CPXM2: variants seen among roughly 807,000 people sequenced by gnomAD.
CPXM2 encodes the protein inactive carboxypeptidase-like protein X2.
Under a neutral mutation model 86.1 loss-of-function variants are expected in CPXM2, and 66 were observed. The observed-to-expected ratio is 0.77, with a 90% CI of 0.63 to 0.94. CPXM2 has a LOEUF of 0.94. CPXM2 is among the 40% of genes least tolerant of loss of function. CPXM2 has a pLI of 0.00. For synonymous variants in CPXM2, 388 were observed against 400.2 expected (o/e 0.97, Z 0.36); for missense variants, 948 against 1,026.3 (o/e 0.92, Z 1.04).
In CPXM2 at chr10:123,880,292, T is replaced by C. The variant is rs757714999; in HGVS notation, c.322A>G (p.Lys108Glu). 1 of 1,567,302 alleles carries C rather than the reference T, an allele frequency of 6.4e-7. No homozygotes were observed. The change falls in exon 2 of 14, where the codon AAA (lysine) becomes GAA (glutamate). Residue 108 changes from lysine to glutamate, a missense_variant. Physicochemically the swap from Lys to Glu is moderately conservative, Grantham distance 56. Coordinates refer to ENST00000241305, the MANE Select transcript of CPXM2 (RefSeq NM_198148.3). ...PPPPGKHSNK[K>E]VMRTKSSEKA... ...TCAGAGCTCTTGGTTCTCATAACTT[T>C]TTTGTTGCTGTGTTTACCTAAAGGG...
intron 4 of CPXM2, among the ~76,000 whole-genome samples, chr10:123,817,097 A>G (rs1847828922): frequency 6.6e-6 from 1 of 152,236 alleles, no homozygotes; most frequent in Non-Finnish European, 1.5e-5. Flanking sequence ...AGAAAGAGGC[A>G]CAATGCCTAG....
Position 123,857,737 on chromosome 10 carries a change from C to A in CPXM2, c.513+4877G>T, listed in dbSNP as rs904338920. On this transcript the variant is annotated intron_variant, in intron 3 of 13. Coordinates refer to ENST00000241305, the MANE Select transcript of CPXM2 (RefSeq NM_198148.3). ...AACGGAGAAGAACCTGAGCAATGCA[C>A]CAGCACAGGCCCCACTGACGCCGAG... 5.9e-5 allele frequency among the ~76,000 whole-genome samples: 9 copies of A among 152,300 alleles called. No homozygotes were observed. In the South Asian group the frequency reaches 1.7e-3, roughly 28 times the overall value.
intron 2 of CPXM2, among the ~76,000 whole-genome samples, chr10:123,909,297 C>G (rs192398045): frequency 6.6e-6 from 1 of 152,334 alleles, no homozygotes; most frequent in East Asian, 1.9e-4. Flanking sequence ...AGGGGGGACT[C>G]GCCCTCAGCA....
At chr10:123,809,511 C>CTGGGA (rs1847646767) in intron 4 of CPXM2, among the ~76,000 whole-genome samples, 1 of 151,926 alleles carries the variant, frequency 6.6e-6, no homozygotes, top group Non-Finnish European at 1.5e-5. Flanking sequence ...AGGTCCCACT[C>CTGGGA]TAAGATATAT....
chr10:123,941,060 A>G (rs945596579), upstream of CPXM2, among the ~76,000 whole-genome samples: 13 of 152,094 alleles, frequency 8.5e-5, no homozygotes, highest in Admixed American at 2.6e-4. Flanking sequence ...AGTCCCAGCT[A>G]CTCGGGAGGC....
chr10:123,796,228 C>T (rs944499388), intron 6 of CPXM2, among the ~76,000 whole-genome samples: 1 of 152,192 alleles, frequency 6.6e-6, no homozygotes, highest in African/African-American at 2.4e-5. Context: ...ATTCTTTGTA[C>T]CAGCAATCCT....
intron 3 of CPXM2, among the ~76,000 whole-genome samples, chr10:123,859,574 C>T (rs1848810221): frequency 6.6e-6 from 1 of 152,226 alleles, no homozygotes; most frequent in Admixed American, 6.5e-5. Context: ...GGGTCAGAGC[C>T]AGAGGCTGGG....
intron 3 of CPXM2, among the ~76,000 whole-genome samples, chr10:123,843,775 C>CTT (rs1564794429): frequency 6.6e-6 from 1 of 152,132 alleles, no homozygotes; most frequent in East Asian, 1.9e-4. Context: ...CTAACATAAG[C>CTT]GTTCTATCAG....
At chr10:123,747,139 C>G (rs775278145) in intron 13 of CPXM2, 122 bp from the exon 14 acceptor site, 19 of 1,181,316 alleles carry the variant, frequency 1.6e-5, no homozygotes, top group South Asian at 9.0e-5. Flanking sequence ...ACGTGGAATC[C>G]GAGCTCCTGC....
At chr10:123,880,348 A>G (rs1012067241) in intron 1 of CPXM2, 39 bp from the exon 2 acceptor site, 2 of 886,416 alleles carry the variant, frequency 2.3e-6, no homozygotes, top group Admixed American at 1.7e-5. Flanking sequence ...TTTCACATAC[A>G]TCAGAGCTGG....
At chr10:123,886,520 G>C (rs942159984) in intron 1 of CPXM2, among the ~76,000 whole-genome samples, 3 of 152,156 alleles carry the variant, frequency 2.0e-5, no homozygotes, top group African/African-American at 7.2e-5. Context: ...CAATGATTCT[G>C]AGCACAGACA....
intron 6 of CPXM2, among the ~76,000 whole-genome samples, chr10:123,793,643 T>C (rs1043693393): frequency 3.3e-5 from 5 of 152,104 alleles, no homozygotes; most frequent in Non-Finnish European, 5.9e-5. Flanking sequence ...TAAGCTTGTC[T>C]ATGCCCATCA....
rs1349526174 is a variant in CPXM2 at position 123,926,822 on chromosome 10, G to A, written n.174+12655C>T. On this transcript the variant is annotated intron_variant and non_coding_transcript_variant, in intron 2 of 19. Transcript: ENST00000368854. ...GGGGAATCCCCAGGGCTTCTGAGCTGCTGTGTCTGCCCTGTACTGCATGGC... is the reference window on the plus strand; with the variant it reads ...GGGGAATCCCCAGGGCTTCTGAGCTACTGTGTCTGCCCTGTACTGCATGGC... Among the ~76,000 whole-genome samples, 15 of 152,214 alleles carry A rather than the reference G, an allele frequency of 9.9e-5. 1 individual carries two copies. Among genetic ancestry groups the A allele is most frequent in the Admixed American group, 8.5e-4 (13 of 15,290 alleles).
At chr10:123,765,762 A>G (rs1846457035) in intron 10 of CPXM2, among the ~76,000 whole-genome samples, 1 of 152,206 alleles carries the variant, frequency 6.6e-6, no homozygotes, top group South Asian at 2.1e-4. Context: ...GAGGGCCTGG[A>G]TGACCCCGTA....
At chr10:123,882,912 C>T (rs28705282) in intron 1 of CPXM2, among the ~76,000 whole-genome samples, 14,741 of 148,348 alleles carry the variant, frequency 0.099, 1,068 homozygotes, top group Non-Finnish European at 0.13. Context: ...CCATGGCCTG[C>T]GCAGCTTCTA....
intron 11 of CPXM2, 137 bp from the exon 12 acceptor site, chr10:123,757,489 ATAGACAAAAATT>A: frequency 2.8e-6 from 2 of 723,618 alleles, no homozygotes; most frequent in South Asian, 3.7e-5. Flanking sequence ...AGTATCTACT[ATAGACAAAAATT>A]TGCATTAGAG....
intron 2 of CPXM2, among the ~76,000 whole-genome samples, chr10:123,876,940 C>T (rs1313441691): frequency 2.0e-4 from 31 of 152,194 alleles, no homozygotes; most frequent in Admixed American, 1.6e-3. Flanking sequence ...AGTCTGGCAG[C>T]CAGAAGTTAG....
intron 3 of CPXM2, among the ~76,000 whole-genome samples, chr10:123,854,569 C>T (rs1194852305): frequency 6.6e-6 from 1 of 150,502 alleles, no homozygotes; most frequent in Non-Finnish European, 1.5e-5. Flanking sequence ...ACCCTAATCT[C>T]AGTTTTCCGG....
upstream of CPXM2, among the ~76,000 whole-genome samples, chr10:123,943,966 G>C (rs1945800792): frequency 6.6e-6 from 1 of 152,224 alleles, no homozygotes; most frequent in Non-Finnish European, 1.5e-5. Flanking sequence ...CCTAATTAAA[G>C]AGACCATCGT....
Sources: gnomAD v4.1 joint callset for allele counts (sites outside exome capture counted in the v4.1 genomes callset) on GRCh38, gnomAD v4.1.1 for gene constraint, MANE v1.5 for transcripts, NCBI Gene and HGNC (gene_info 2026-07-23, HGNC 2026-07-21) for gene names.